SPIDR: variants seen among roughly 807,000 people sequenced by gnomAD.
SPIDR encodes the protein scaffold protein involved in DNA repair, also known as DNA repair-scaffolding protein.
In SPIDR, 93 loss-of-function variants were observed where a neutral mutation model predicts 104.6. The observed-to-expected ratio is 0.89, with a 90% confidence interval of 0.75 to 1.06. SPIDR has a LOEUF of 1.06. SPIDR is among the 50% of genes least tolerant of loss of function. The pLI is 0.00. For missense variants in SPIDR, 1,154 were observed against 1,111.2 expected (o/e 1.04, Z -0.55); for synonymous variants, 431 against 416.9 (o/e 1.03, Z -0.41).
In SPIDR at chr8:47,713,091, G is replaced by C. The variant is rs1321557984; in HGVS notation, c.2188+219G>C. 12 of 1,258,182 alleles carry C rather than the reference G, an allele frequency of 9.5e-6. No individual in the cohort carries two copies. In the Admixed American group the frequency reaches 1.4e-4, roughly 14 times the overall value. 77.9% of individuals were successfully genotyped at this position (1,258,182 alleles called of 1,614,324 possible). ...CCATGGAGATGCTGTGCTCACTCCA[G>C]AATTGCCTGCTGGTGGCACCCCATA... is the stretch of plus-strand genomic sequence containing the variant. On this transcript the variant is annotated intron_variant, in intron 15 of 19. Transcript: ENST00000297423.
intron 5 of SPIDR, among the ~76,000 whole-genome samples, chr8:47,341,133 G>T (rs551526227): frequency 6.6e-6 from 1 of 152,214 alleles, no homozygotes; most frequent in East Asian, 1.9e-4. Context: ...TCACCTGTGG[G>T]GTCTGTGCTA....
intron 11 of SPIDR, among the ~76,000 whole-genome samples, chr8:47,686,358 T>G (rs2077823284): frequency 6.6e-6 from 1 of 152,234 alleles, no homozygotes; most frequent in Non-Finnish European, 1.5e-5. Context: ...TTAAATATGC[T>G]ATTATTAGCT....
intron 5 of SPIDR, among the ~76,000 whole-genome samples, chr8:47,316,887 T>A (rs1374092404): frequency 1.3e-5 from 2 of 152,220 alleles, no homozygotes; most frequent in African/African-American, 4.8e-5. Flanking sequence ...GAATTCTTGT[T>A]ATTGATGTTC....
chr8:47,526,982 A>G (rs1026401169), intron 8 of SPIDR, among the ~76,000 whole-genome samples: 4 of 152,176 alleles, frequency 2.6e-5, no homozygotes, highest in South Asian at 2.1e-4. Flanking sequence ...GAAAACTTCA[A>G]TTAATTCACA....
chr8:47,423,607 A>G (rs2065932013), intron 7 of SPIDR, among the ~76,000 whole-genome samples: 1 of 152,148 alleles, frequency 6.6e-6, no homozygotes, highest in African/African-American at 2.4e-5. Flanking sequence ...GTCTGAAAAA[A>G]AAATAAAAAT....
chr8:47,309,796 T>C (rs1400711920), intron 5 of SPIDR, among the ~76,000 whole-genome samples: 1 of 152,130 alleles, frequency 6.6e-6, no homozygotes, highest in East Asian at 1.9e-4. Context: ...CCCAGCACTT[T>C]GGGAGGCTGA....
intron 8 of SPIDR, among the ~76,000 whole-genome samples, chr8:47,489,837 A>T (rs546249438): frequency 1.3e-5 from 2 of 152,318 alleles, no homozygotes; most frequent in Admixed American, 6.5e-5. Context: ...CTTACACCTT[A>T]TACACCAATT....
intron 8 of SPIDR, among the ~76,000 whole-genome samples, chr8:47,553,938 G>A (rs1192814974): frequency 1.3e-5 from 2 of 152,132 alleles, no homozygotes; most frequent in African/African-American, 2.4e-5. Flanking sequence ...TGGTGTGGAT[G>A]TCCTTCCTGT....
chr8:47,293,594 GTGCCACCGTGTCCAGCTAATTTTT>G (rs1237794195), intron 4 of SPIDR, among the ~76,000 whole-genome samples: 1 of 152,036 alleles, frequency 6.6e-6, no homozygotes, highest in Non-Finnish European at 1.5e-5. Context: ...CTATAGGTGT[GTGCCACCGTGTCCAGCTAATTTTT>G]TGTATTTTTA....
chr8:47,506,594 C>T (rs544377193), intron 8 of SPIDR, among the ~76,000 whole-genome samples: 24 of 152,162 alleles, frequency 1.6e-4, no homozygotes, highest in African/African-American at 4.3e-4. Flanking sequence ...TAAATATATA[C>T]TTGCCACACC....
intron 1 of SPIDR, among the ~76,000 whole-genome samples, chr8:47,266,507 A>C (rs782424917): frequency 6.6e-6 from 1 of 152,196 alleles, no homozygotes. Flanking sequence ...ATTAACATTT[A>C]TTATTGAAGG....
intron 5 of SPIDR, among the ~76,000 whole-genome samples, chr8:47,359,850 A>G (rs375778337): frequency 1.3e-5 from 2 of 152,224 alleles, no homozygotes; most frequent in Admixed American, 6.5e-5. Context: ...TGATACTGTG[A>G]TAAGTATTGG....
chr8:47,702,834 GC>G (rs2080505771), intron 14 of SPIDR, among the ~76,000 whole-genome samples: 4 of 152,204 alleles, frequency 2.6e-5, no homozygotes, highest in Middle Eastern at 3.4e-3. Context: ...AGCAAACCAG[GC>G]CCCAGATGCC....
chr8:47,273,166 G>A (rs1322177117), intron 1 of SPIDR, among the ~76,000 whole-genome samples: 3 of 152,286 alleles, frequency 2.0e-5, no homozygotes, highest in East Asian at 1.9e-4. Context: ...TCAGTCCCAC[G>A]AGACTGGCCC....
intron 19 of SPIDR, among the ~76,000 whole-genome samples, 196 bp from the exon 20 acceptor site, chr8:47,735,111 G>GGTGTGTGTGTGTGTGGGT (rs2086037129): frequency 3.0e-5 from 4 of 135,182 alleles, no homozygotes; most frequent in East Asian, 4.1e-4. Flanking sequence ...TGTGTGTGTG[G>GGTGTGTGTGTGTGTGGGT]GTGTGTGTGT....
chr8:47,647,616 A>AGAGAGAG (rs2070674174), intron 10 of SPIDR, among the ~76,000 whole-genome samples: 6 of 60,460 alleles, frequency 9.9e-5, no homozygotes, highest in South Asian at 5.8e-4. Context: ...TCCATCTCGA[A>AGAGAGAG]AGAGAGAGAG....
At chr8:47,351,928 A>G (rs1554622620) in intron 5 of SPIDR, among the ~76,000 whole-genome samples, 1 of 152,138 alleles carries the variant, frequency 6.6e-6, no homozygotes, top group Non-Finnish European at 1.5e-5. Context: ...GGATAACTGT[A>G]TATTATAATT....
intron 10 of SPIDR, among the ~76,000 whole-genome samples, chr8:47,641,054 A>C (rs1197777185): frequency 6.6e-6 from 1 of 151,384 alleles, no homozygotes; most frequent in African/African-American, 2.4e-5. Flanking sequence ...TAGATGCTGA[A>C]AAAGGGTATG....
At position 47,511,190 on chromosome 8, in the gene SPIDR, T is replaced by C. The variant is rs2082264828; in HGVS notation, c.1097+70648T>C. 5 of 1,582,214 alleles carry C rather than the reference T, an allele frequency of 3.2e-6. No individual in the cohort carries two copies. In the Admixed American group the frequency reaches 8.3e-5, roughly 26 times the overall value. ...TCCACAATGAAGAGTTGGATGTTGC[T>C]GATCCTGTGGCTGTGGTTAAATTTC... On this transcript the variant is annotated intron_variant, in intron 8 of 19. Transcript: ENST00000297423.
Sources: gnomAD v4.1 joint callset for allele counts (sites outside exome capture counted in the v4.1 genomes callset) on GRCh38, gnomAD v4.1.1 for gene constraint, MANE v1.5 for transcripts, NCBI Gene and HGNC (gene_info 2026-07-23, HGNC 2026-07-21) for gene names.